SMYD3: variants seen among roughly 807,000 people sequenced by gnomAD.
The protein encoded by SMYD3 is SET and MYND domain containing 3, also known as histone-lysine N-methyltransferase SMYD3.
Under a neutral mutation model 57.7 loss-of-function variants are expected in SMYD3, and 36 were observed. The observed-to-expected ratio is 0.62, with a 90% CI of 0.48 to 0.82. SMYD3 has a LOEUF of 0.82. Among genes scored for constraint, SMYD3 ranks in the 40% least tolerant of loss-of-function variants. SMYD3 has a pLI of 0.00. For missense variants in SMYD3, 515 were observed against 538.8 expected, an observed-to-expected ratio of 0.96 and a Z score of 0.44; for synonymous variants, 211 against 195.0, an observed-to-expected ratio of 1.08 and a Z score of -0.68.
At position 245,903,697 on chromosome 1, in the gene SMYD3, C is replaced by T. The variant is rs182155514; in HGVS notation, c.813+11833G>A. ...GGGAAGGGATGATATAGTTTGGCTC[C>T]GTGTCCTTACCCAAATCTCATCTGG... On this transcript the variant is annotated intron_variant, in intron 8 of 11. Coordinates refer to ENST00000490107, the MANE Select transcript of SMYD3 (RefSeq NM_001167740.2). Among the ~76,000 whole-genome samples the T allele has an allele frequency of 1.9e-4, 29 of 152,300 alleles. No individual in the cohort carries two copies. In the South Asian group the frequency reaches 2.5e-3, roughly 13 times the overall value.
chr1:245,793,269 A>C (rs1338260977), intron 10 of SMYD3, among the ~76,000 whole-genome samples: 4 of 151,890 alleles, frequency 2.6e-5, no homozygotes, highest in Non-Finnish European at 1.5e-5. Context: ...AGATCGTGCC[A>C]CTGCACTCCA....
chr1:246,399,498 C>T (rs981311943), intron 1 of SMYD3, among the ~76,000 whole-genome samples: 3 of 152,050 alleles, frequency 2.0e-5, no homozygotes, highest in Non-Finnish European at 4.4e-5. Flanking sequence ...CCATACCTGG[C>T]TAATTTTTGT....
chr1:245,799,884 A>C (rs961923668), intron 10 of SMYD3, among the ~76,000 whole-genome samples: 10 of 149,160 alleles, frequency 6.7e-5, no homozygotes, highest in African/African-American at 2.0e-4. Flanking sequence ...CTCCCGACCT[A>C]GGCACACCTG....
intron 1 of SMYD3, among the ~76,000 whole-genome samples, chr1:246,436,340 G>T (rs1427815303): frequency 6.6e-6 from 1 of 152,150 alleles, no homozygotes; most frequent in Non-Finnish European, 1.5e-5. Flanking sequence ...TTGAAGGCAA[G>T]AACTTTGTTC....
chr1:246,158,304 C>G (rs2062055201), intron 5 of SMYD3, among the ~76,000 whole-genome samples: 1 of 152,176 alleles, frequency 6.6e-6, no homozygotes, highest in African/African-American at 2.4e-5. Flanking sequence ...CTTCCATCCT[C>G]TGAAATGCAC....
intron 5 of SMYD3, among the ~76,000 whole-genome samples, chr1:245,950,252 T>C (rs2057580291): frequency 1.3e-5 from 2 of 152,304 alleles, no homozygotes; most frequent in South Asian, 2.1e-4. Context: ...TTCCTCTTGG[T>C]AATTTTCCAT....
chr1:245,997,812 AG>A (rs1172808043), intron 5 of SMYD3, among the ~76,000 whole-genome samples: 2 of 152,230 alleles, frequency 1.3e-5, no homozygotes, highest in Non-Finnish European at 2.9e-5. Flanking sequence ...GAGGATGGTC[AG>A]GGAGTGATCA....
chr1:245,879,111 C>T (rs955714427), intron 8 of SMYD3, among the ~76,000 whole-genome samples: 11 of 152,154 alleles, frequency 7.2e-5, no homozygotes, highest in East Asian at 3.9e-4. Context: ...AATGAGGGCA[C>T]GGTAGTCATT....
At chr1:245,815,550 A>T (rs1306091754) in intron 10 of SMYD3, among the ~76,000 whole-genome samples, 1 of 152,216 alleles carries the variant, frequency 6.6e-6, no homozygotes, top group Non-Finnish European at 1.5e-5. Context: ...GCATATTAAG[A>T]CTTGAGCATC....
In SMYD3 at chr1:246,355,102, G is replaced by GA. The variant is rs753061278; in HGVS notation, c.165-9dup. 1.2e-6 allele frequency: 2 copies of GA among 1,613,634 alleles called. No homozygotes were observed. The highest frequency in any genetic ancestry group is 1.3e-5 in the African/African-American group (1 of 74,858). On this transcript the variant is annotated splice_polypyrimidine_tract_variant and intron_variant, in intron 1 of 11. Coordinates refer to ENST00000490107, the MANE Select transcript of SMYD3 (RefSeq NM_001167740.2). The surrounding 1 kb of genome is among the most constrained non-coding windows in gnomAD (Gnocchi z 5.0). ...CGCATCAGCTTTTCCTTCCTGTGGGGAAAAAAATTAATTCTGCATTAAGAA... is the reference window on the plus strand; with the variant it reads ...CGCATCAGCTTTTCCTTCCTGTGGGGAAAAAAAATTAATTCTGCATTAAGAA...
At chr1:245,973,538 T>C (rs533546769) in intron 5 of SMYD3, among the ~76,000 whole-genome samples, 2 of 152,316 alleles carry the variant, frequency 1.3e-5, no homozygotes, top group South Asian at 2.1e-4. Context: ...ATTGTGTACA[T>C]GTGACAAGGG....
intron 5 of SMYD3, among the ~76,000 whole-genome samples, chr1:246,125,441 T>C (rs1035181320): frequency 6.6e-6 from 1 of 152,176 alleles, no homozygotes; most frequent in Admixed American, 6.5e-5. Context: ...CAAGTTTCTA[T>C]GACAAAGAAA....
intron 1 of SMYD3, among the ~76,000 whole-genome samples, chr1:246,415,005 C>T (rs774644222): frequency 6.6e-6 from 1 of 152,150 alleles, no homozygotes; most frequent in African/African-American, 2.4e-5. Context: ...GTGTGAGCCA[C>T]CGCGCCCGGC....
chr1:246,333,354 TATG>T (rs2065490827), intron 3 of SMYD3, among the ~76,000 whole-genome samples: 1 of 152,142 alleles, frequency 6.6e-6, no homozygotes, highest in Non-Finnish European at 1.5e-5. Context: ...GCAAAGAATT[TATG>T]ATGAGTCCTC....
intron 5 of SMYD3, among the ~76,000 whole-genome samples, chr1:246,118,454 GTAT>G (rs1206314521): frequency 6.6e-6 from 1 of 152,142 alleles, no homozygotes; most frequent in Non-Finnish European, 1.5e-5. Context: ...GCATGTGCAG[GTAT>G]TATGTGCAAT....
intron 5 of SMYD3, among the ~76,000 whole-genome samples, chr1:246,210,887 G>A (rs2063074898): frequency 6.6e-6 from 1 of 152,076 alleles, no homozygotes; most frequent in African/African-American, 2.4e-5. Context: ...CTTCAATTCT[G>A]ATTTCGCAGA....
rs369914486 is a variant in SMYD3 at position 246,495,131 on chromosome 1, C to T, written c.164+11923G>A. 2.5e-3 allele frequency among the ~76,000 whole-genome samples: 375 copies of T among 151,994 alleles called. 2 individuals carry two copies. The highest frequency in any genetic ancestry group is 7.6e-3 in the African/African-American group (313 of 41,440). ...TTGGGAGGCCAAGGCGGGTGGATCACGAGGTCAGGAGATCGAGACCATCCT... is the reference window on the plus strand; with the variant it reads ...TTGGGAGGCCAAGGCGGGTGGATCATGAGGTCAGGAGATCGAGACCATCCT... On this transcript the variant is annotated intron_variant, in intron 1 of 11. Transcript: ENST00000490107.
At chr1:246,397,513 A>T (rs966646087) in intron 1 of SMYD3, among the ~76,000 whole-genome samples, 4 of 152,142 alleles carry the variant, frequency 2.6e-5, no homozygotes, top group African/African-American at 9.7e-5. Context: ...TAAATTCCTT[A>T]CTTATCCATC....
chr1:246,240,096 T>C (rs984966649), intron 5 of SMYD3, among the ~76,000 whole-genome samples: 2 of 152,218 alleles, frequency 1.3e-5, no homozygotes, highest in Admixed American at 1.3e-4. Context: ...TTAGTTTAAT[T>C]CGAACCCATT....
Sources: gnomAD v4.1 joint callset for allele counts (sites outside exome capture counted in the v4.1 genomes callset) on GRCh38, gnomAD v4.1.1 for gene constraint, Gnocchi (gnomAD v3.1) non-coding constraint, MANE v1.5 for transcripts, NCBI Gene and HGNC (gene_info 2026-07-23, HGNC 2026-07-21) for gene names.